Variants in TERF1 observed in about 807,000 individuals in gnomAD.
TERF1 encodes telomeric repeat-binding factor 1.
In TERF1, 20 loss-of-function variants were observed where a neutral mutation model predicts 55.1. The observed-to-expected ratio is 0.36, with a 90% CI of 0.26 to 0.53. The LOEUF is 0.53. TERF1 is among the 20% of genes least tolerant of loss of function. The pLI is 0.91. For missense variants in TERF1, 439 were observed against 535.7 expected (o/e 0.82, Z 1.78); for synonymous variants, 168 against 181.2 (o/e 0.93, Z 0.59).
intron 5 of TERF1, among the ~76,000 whole-genome samples, chr8:73,025,600 C>CA (rs562477505): frequency 0.013 from 2,011 of 151,698 alleles, 44 homozygotes; most frequent in African/African-American, 0.046. Context: ...TAAGAAAATA[C>CA]AAAAAAATTA....
At chr8:73,037,809 A>G (rs1301229354) in intron 8 of TERF1, among the ~76,000 whole-genome samples, 1 of 101,710 alleles carries the variant, frequency 9.8e-6, no homozygotes, top group African/African-American at 4.1e-5. Flanking sequence ...AATAATATAT[A>G]TATTATATAT....
chr8:73,040,086 A>G (rs1432957518), intron 9 of TERF1, among the ~76,000 whole-genome samples: 2 of 150,136 alleles, frequency 1.3e-5, no homozygotes, highest in South Asian at 2.1e-4. Flanking sequence ...GCTACTCGGA[A>G]TATCTTCTGT....
At chr8:73,039,702 T>C (rs1215304672) in intron 9 of TERF1, among the ~76,000 whole-genome samples, 1 of 151,944 alleles carries the variant, frequency 6.6e-6, no homozygotes, top group Non-Finnish European at 1.5e-5. Context: ...TCTGAAACCA[T>C]TATTTTATGT....
At chr8:73,013,223 T>C (rs1459228170) in intron 1 of TERF1, among the ~76,000 whole-genome samples, 5 of 152,236 alleles carry the variant, frequency 3.3e-5, no homozygotes, top group Non-Finnish European at 7.3e-5. Flanking sequence ...TTAGACATTA[T>C]TTCCTCAGAG....
chr8:73,024,268 ACTT>A (rs769479927), intron 4 of TERF1, among the ~76,000 whole-genome samples: 4 of 152,240 alleles, frequency 2.6e-5, no homozygotes, highest in Non-Finnish European at 5.9e-5. Context: ...AAAAATAACT[ACTT>A]CTAGGAATAT....
At chr8:73,013,766 C>A in intron 1 of TERF1, 129 bp from the exon 2 acceptor site, 1 of 596,734 alleles carries the variant, frequency 1.7e-6, no homozygotes, top group Non-Finnish European at 3.0e-6. Flanking sequence ...TTAATCAGAT[C>A]TTAAATGTAC....
intron 2 of TERF1, 83 bp from the exon 3 acceptor site, chr8:73,020,601 A>T (rs898479237): frequency 4.1e-6 from 5 of 1,224,918 alleles, no homozygotes; most frequent in Non-Finnish European, 5.7e-6. Flanking sequence ...CACTCAGTAA[A>T]TATTTAAAGG....
At chr8:73,026,915 T>C (rs1215886843) in intron 5 of TERF1, 25 bp from the exon 6 acceptor site, 1 of 1,570,756 alleles carries the variant, frequency 6.4e-7, no homozygotes, top group Non-Finnish European at 8.7e-7. Context: ...TTCCTATCCT[T>C]CTACCTCCAC....
intron 9 of TERF1, 42 bp downstream of exon 9, chr8:73,039,261 A>G: frequency 7.5e-7 from 1 of 1,331,946 alleles, no homozygotes; most frequent in Non-Finnish European, 1.0e-6. Flanking sequence ...TATGGACATT[A>G]AAGTTATAAC....
intron 2 of TERF1, among the ~76,000 whole-genome samples, chr8:73,015,250 C>G (rs55689648): frequency 6.6e-6 from 1 of 150,778 alleles, no homozygotes; most frequent in Non-Finnish European, 1.5e-5. Context: ...CCATAATGCA[C>G]TAAACTGAGG....
chr8:73,022,411 A>G (rs1808803142), intron 4 of TERF1, 109 bp downstream of exon 4: 1 of 583,192 alleles, frequency 1.7e-6, no homozygotes, highest in Non-Finnish European at 2.8e-6. Flanking sequence ...TAAACAGTAT[A>G]GAATAATACC....
At chr8:73,019,787 C>A (rs1287484108) in intron 2 of TERF1, among the ~76,000 whole-genome samples, 3 of 152,206 alleles carry the variant, frequency 2.0e-5, no homozygotes, top group African/African-American at 7.2e-5. Flanking sequence ...TGTGACTGTT[C>A]CTTCTGCTTC....
chr8:73,037,737 AAATAT>A (rs1809626980), intron 8 of TERF1, among the ~76,000 whole-genome samples: 2 of 83,516 alleles, frequency 2.4e-5, no homozygotes, highest in Non-Finnish European at 4.1e-5. Context: ...ATATAGTATG[AAATAT>A]ATATTATATA....
intron 8 of TERF1, among the ~76,000 whole-genome samples, chr8:73,033,550 T>C (rs975271649): frequency 6.6e-6 from 1 of 152,118 alleles, no homozygotes; most frequent in South Asian, 2.1e-4. Flanking sequence ...CTTGGCAACA[T>C]GGCGAAACCC....
chr8:73,013,570 A>G, intron 1 of TERF1: 1 of 206,732 alleles, frequency 4.8e-6, no homozygotes, highest in Non-Finnish European at 9.7e-6. Context: ...TTTCTATTAT[A>G]TGAAATGTTT....
At position 73,034,474 on chromosome 8, in the gene TERF1, C is replaced by T. The variant is rs897112962; in HGVS notation, c.1039+2341C>T. 2.1e-4 allele frequency among the ~76,000 whole-genome samples: 32 copies of T among 152,240 alleles called. 1 individual carries two copies. Among genetic ancestry groups the T allele is most frequent in the African/African-American group, 7.5e-4 (31 of 41,532 alleles). On this transcript the variant is annotated intron_variant, in intron 8 of 9. Coordinates refer to ENST00000276603, the MANE Select transcript of TERF1 (RefSeq NM_017489.3). ...AGAGGTGGGGTTTGGCATGTTGCCC[C>T]TGCAGGTCTCTAACTCCCAAACTCA...
chr8:73,014,709 C>T (rs1233845836), intron 2 of TERF1, among the ~76,000 whole-genome samples: 1 of 152,210 alleles, frequency 6.6e-6, no homozygotes, highest in Non-Finnish European at 1.5e-5. Flanking sequence ...GCAGTACTTA[C>T]ATAAAACTGC....
chr8:73,013,012 T>G, intron 1 of TERF1: 3 of 442,968 alleles, frequency 6.8e-6, no homozygotes, highest in South Asian at 4.8e-5. Context: ...ATTATGACTG[T>G]GTATGGTCCA....
At chr8:73,019,679 G>GC (rs913721380) in intron 2 of TERF1, among the ~76,000 whole-genome samples, 3 of 152,050 alleles carry the variant, frequency 2.0e-5, no homozygotes, top group African/African-American at 7.2e-5. Flanking sequence ...ACAGGCACAC[G>GC]CCCCCACCTG....
Sources: gnomAD v4.1 joint callset for allele counts (sites outside exome capture counted in the v4.1 genomes callset) on GRCh38, gnomAD v4.1.1 for gene constraint, MANE v1.5 for transcripts, NCBI Gene and HGNC (gene_info 2026-07-23, HGNC 2026-07-21) for gene names.